Variants in COL13A1 observed in about 807,000 individuals in gnomAD.
The protein encoded by COL13A1 is collagen type XIII alpha 1 chain.
Under a neutral mutation model 130.9 loss-of-function variants are expected in COL13A1, and 89 were observed. The observed-to-expected ratio is 0.68, with a 90% CI of 0.57 to 0.81. The LOEUF is 0.81. COL13A1 is among the 30% of genes least tolerant of loss of function. COL13A1 has a pLI of 0.00. For synonymous variants in COL13A1, 402 were observed against 341.6 expected (o/e 1.18, Z -1.95); for missense variants, 879 against 934.6 (o/e 0.94, Z 0.78).
chr10:69,840,296 G>A (rs998897980), intron 2 of COL13A1, among the ~76,000 whole-genome samples: 1 of 152,150 alleles, frequency 6.6e-6, no homozygotes, highest in East Asian at 1.9e-4. Flanking sequence ...GACAGACAGC[G>A]GCATCGAAGG....
rs559893697 is a variant in COL13A1, at chr10:69,885,238, TG to T, written c.514-2217del. On this transcript the variant is annotated intron_variant, in intron 7 of 40. Coordinates refer to ENST00000645393, the MANE Select transcript of COL13A1 (RefSeq NM_001368882.1). ...TAAAACACACCAGAAACAAAATAAATGCCAAATGCCAAATTAGAAAGAATAA... is the reference window on the plus strand; with the variant it reads ...TAAAACACACCAGAAACAAAATAAATCCAAATGCCAAATTAGAAAGAATAA... Among the ~76,000 whole-genome samples, 21 of 152,090 alleles carry T rather than the reference TG, an allele frequency of 1.4e-4. 1 individual carries two copies. The South Asian group carries it at 4.4e-3, about 32-fold the overall frequency.
intron 14 of COL13A1, 103 bp downstream of exon 14, chr10:69,898,865 A>T: frequency 1.1e-6 from 1 of 882,628 alleles, no homozygotes; most frequent in Non-Finnish European, 1.7e-6. Context: ...AATTCAGTGA[A>T]ATTAAATCAG....
chr10:69,913,793 T>G (rs1589475242), intron 17 of COL13A1, among the ~76,000 whole-genome samples: 2 of 130,326 alleles, frequency 1.5e-5, no homozygotes, highest in African/African-American at 2.9e-5. Flanking sequence ...CTAATGAGAG[T>G]GGAGTGAGCG....
intron 34 of COL13A1, among the ~76,000 whole-genome samples, chr10:69,939,446 A>T (rs1408373417): frequency 6.6e-6 from 1 of 152,226 alleles, no homozygotes; most frequent in East Asian, 1.9e-4. Flanking sequence ...AAAGCCTCTA[A>T]TTTGTGCTTT....
chr10:69,834,199 C>T (rs539799932), intron 2 of COL13A1, among the ~76,000 whole-genome samples: 42 of 152,282 alleles, frequency 2.8e-4, no homozygotes, highest in East Asian at 9.7e-4. Flanking sequence ...CTAGATCCCT[C>T]GCATGCGCAG....
At chr10:69,878,633 C>T (rs930343230) in intron 6 of COL13A1, among the ~76,000 whole-genome samples, 1 of 152,212 alleles carries the variant, frequency 6.6e-6, no homozygotes, top group African/African-American at 2.4e-5. Context: ...AGGCCTGTGC[C>T]ACCACACCCA....
intron 30 of COL13A1, among the ~76,000 whole-genome samples, 188 bp downstream of exon 30, chr10:69,930,740 G>A (rs187973909): frequency 2.0e-5 from 3 of 152,298 alleles, no homozygotes; most frequent in East Asian, 1.9e-4. Context: ...CCAGTTTCCC[G>A]ACTCAGGAGA....
chr10:69,918,091 C>T (rs1244564197), intron 18 of COL13A1, among the ~76,000 whole-genome samples, 194 bp from the exon 19 acceptor site: 2 of 152,126 alleles, frequency 1.3e-5, no homozygotes, highest in African/African-American at 2.4e-5. Context: ...CACAAAGCCC[C>T]TTCCTCAGGG....
rs200101844 is a variant in COL13A1, at chr10:69,932,526, C to T, written c.1684-34C>T. On this transcript the variant is annotated intron_variant, in intron 30 of 40. Transcript: ENST00000645393. Reference sequence around the variant, plus strand: ...CGTCTGTCCCAGGCTTTCACAAGGGCTGGCATTCATGCAGTGGTGTTTTGT... The same window carrying T: ...CGTCTGTCCCAGGCTTTCACAAGGGTTGGCATTCATGCAGTGGTGTTTTGT... The T allele has an allele frequency of 2.4e-4, 381 of 1,575,610 alleles. 2 individuals carry two copies. The African/African-American group carries it at 4.3e-3, about 18-fold the overall frequency.
chr10:69,936,107 A>G (rs1335382890), intron 32 of COL13A1, among the ~76,000 whole-genome samples: 6 of 5,512 alleles, frequency 1.1e-3, no homozygotes, highest in Non-Finnish European at 2.4e-3. Context: ...GAAGGGAGGA[A>G]GGAAGGAAGG....
intron 3 of COL13A1, among the ~76,000 whole-genome samples, chr10:69,870,554 C>G (rs2058967638): frequency 6.6e-6 from 1 of 151,396 alleles, no homozygotes; most frequent in African/African-American, 2.4e-5. Flanking sequence ...CTCCTGACCT[C>G]AAGCCATCCT....
intron 17 of COL13A1, among the ~76,000 whole-genome samples, chr10:69,913,863 G>A (rs1452627580): frequency 6.6e-6 from 1 of 151,996 alleles, no homozygotes; most frequent in Non-Finnish European, 1.5e-5. Context: ...GCCAAGCAAG[G>A]GGGTGGGAGG....
At chr10:69,938,501 G>A (rs1455151100) in intron 34 of COL13A1, among the ~76,000 whole-genome samples, 1 of 152,190 alleles carries the variant, frequency 6.6e-6, no homozygotes, top group African/African-American at 2.4e-5. Flanking sequence ...AGAAGAAAGT[G>A]GGTCACTGGA....
rs10999038 is a variant in COL13A1 at position 69,945,985 on chromosome 10, T to A, written c.2022+261T>A. 0.048 allele frequency among the ~76,000 whole-genome samples: 7,269 copies of A among 151,308 alleles called. 248 individuals carry two copies. Among genetic ancestry groups the A allele is most frequent in the South Asian group, 0.11 (533 of 4,778 alleles). ...CTCGGGAGGCTGAGGCAGGAGAATC[T>A]CTTGAACCCAGGAGGTGGAGGTTGC... On this transcript the variant is annotated intron_variant, in intron 37 of 40. Transcript: ENST00000645393.
intron 2 of COL13A1, among the ~76,000 whole-genome samples, chr10:69,859,182 G>C (rs1272304579): frequency 6.6e-6 from 1 of 152,198 alleles, no homozygotes; most frequent in Non-Finnish European, 1.5e-5. Flanking sequence ...CTGGTAAGAG[G>C]TTAGCATGAT....
intron 2 of COL13A1, among the ~76,000 whole-genome samples, chr10:69,837,001 G>C (rs1850262499): frequency 6.6e-6 from 1 of 152,194 alleles, no homozygotes; most frequent in Admixed American, 6.5e-5. Context: ...AGGGGCAGCA[G>C]GTACTGGGCA....
At chr10:69,824,054 C>T in intron 2 of COL13A1, 2 of 469,810 alleles carry the variant, frequency 4.3e-6, no homozygotes, top group South Asian at 3.1e-5. Context: ...TTTGAAGCCA[C>T]AGAGGATGTA....
At chr10:69,931,227 C>A (rs1324427492) in intron 30 of COL13A1, 2 of 455,722 alleles carry the variant, frequency 4.4e-6, no homozygotes, top group Non-Finnish European at 8.8e-6. Flanking sequence ...GGCAGGATTG[C>A]CTAATCCAGC....
At chr10:69,902,952 GAAATGCCTTGGCAGGGCC>G in intron 15 of COL13A1, 97 bp downstream of exon 15, 6 of 946,448 alleles carry the variant, frequency 6.3e-6, no homozygotes, top group Non-Finnish European at 9.1e-6. Flanking sequence ...ACAAAAAGCA[GAAATGCCTTGGCAGGGCC>G]ATTGGATGTG....
Sources: allele counts gnomAD v4.1 joint callset (sites outside exome capture counted in the v4.1 genomes callset), GRCh38; gene constraint gnomAD v4.1.1; transcripts MANE v1.5; gene names NCBI Gene and HGNC (gene_info 2026-07-23, HGNC 2026-07-21).